GGA3: variants seen among roughly 807,000 people sequenced by gnomAD.
GGA3 encodes golgi associated, gamma adaptin ear containing, ARF binding protein 3.
Under a neutral mutation model 77.5 loss-of-function variants are expected in GGA3, and 57 were observed. The ratio of observed to expected loss-of-function variants is 0.74; its 90% CI spans 0.59 to 0.92. GGA3 has a LOEUF of 0.92. Ranked by LOEUF, GGA3 falls within the 40% of genes least tolerant of loss-of-function variation. The pLI is 0.00. For synonymous variants in GGA3, 416 were observed against 383.7 expected (o/e 1.08, Z -0.98); for missense variants, 970 against 914.9 (o/e 1.06, Z -0.78).
At chr17:75,240,204 C>T in intron 12 of GGA3, 96 bp from the exon 13 acceptor site, 2 of 1,201,298 alleles carry the variant, frequency 1.7e-6, no homozygotes, top group Admixed American at 2.1e-5. Flanking sequence ...CGGAAGACAG[C>T]CCCGGAGGCA....
chr17:75,259,103 G>A lies in GGA3; in HGVS notation c.40+2445C>T, dbSNP rs1359296422. Among the ~76,000 whole-genome samples the A allele has an allele frequency of 2.6e-5, 4 of 152,008 alleles. No individual in the cohort carries two copies. The South Asian group carries it at 6.2e-4, about 24-fold the overall frequency. Reference sequence around the variant, plus strand: ...CGTGTAGCTGGGACTACAGGCGCCCGCCACTACGCCTGGCTATTTTTTTGT... The same window carrying A: ...CGTGTAGCTGGGACTACAGGCGCCCACCACTACGCCTGGCTATTTTTTTGT... On this transcript the variant is annotated intron_variant, in intron 1 of 16. Transcript: ENST00000537686.
At position 75,238,774 on chromosome 17, in the gene GGA3, G is replaced by A. The variant is rs377429198; in HGVS notation, c.1951-12C>T. The A allele has an allele frequency of 2.5e-6, 4 of 1,604,090 alleles. No individual in the cohort carries two copies. The highest frequency in any genetic ancestry group is 2.6e-6 in the Non-Finnish European group (3 of 1,172,036). ...TTCACTTTCATTGACTAAAGAGAGAGAAACTCCTTTGAAGAGAACTGGTAG... is the reference window on the plus strand; with the variant it reads ...TTCACTTTCATTGACTAAAGAGAGAAAAACTCCTTTGAAGAGAACTGGTAG... On this transcript the variant is annotated splice_polypyrimidine_tract_variant and intron_variant, in intron 15 of 16. Coordinates refer to ENST00000537686, the MANE Select transcript of GGA3 (RefSeq NM_138619.4).
rs146463270 is a variant in GGA3, at chr17:75,241,422, G to A, written c.924C>T (p.Thr308=). Residue 308 remains threonine, a synonymous_variant, in exon 10 of 17, where the codon ACC becomes ACT. Coordinates refer to ENST00000537686, the MANE Select transcript of GGA3 (RefSeq NM_138619.4). The part of the protein sequence containing the change: ...EGQVINGEVA[T]LTLPDSEGNS... ...CACCTTCCGAGTCAGGCAGGGTTAA[G>A]GTAGCCACCTCGCCATTGATGACCT... The A allele has an allele frequency of 2.5e-6, 4 of 1,611,476 alleles. No individual in the cohort carries two copies. The highest frequency in any genetic ancestry group is 1.3e-5 in the African/African-American group (1 of 74,868).
chr17:75,239,667 C>T (rs1161499425), intron 13 of GGA3, 96 bp from the exon 14 acceptor site: 2 of 1,450,400 alleles, frequency 1.4e-6, no homozygotes, highest in Non-Finnish European at 1.9e-6. Context: ...CCCAGGCCCA[C>T]CCCTTGCCTT....
rs2077379047 is a variant in GGA3 at position 75,261,551 on chromosome 17, G to C, written c.37C>G (p.Leu13Val). ...EAEGESLESW[L>V]NKATNPSNRQ... Reference sequence around the variant, plus strand: ...AGAAACGGCCGCGGCTACTCACTGAGCCAGGACTCCAGGCTTTCCCCTTCC... The same window carrying C: ...AGAAACGGCCGCGGCTACTCACTGACCCAGGACTCCAGGCTTTCCCCTTCC... The change falls in exon 1 of 17, where the codon CTC becomes GTC. Residue 13 changes from leucine (L) to valine (V), a missense_variant. Physicochemically the swap from Leu to Val is conservative, Grantham distance 32 (BLOSUM62 1). Coordinates refer to ENST00000537686, the MANE Select transcript of GGA3 (RefSeq NM_138619.4). 6.5e-7 allele frequency: 1 copy of C among 1,545,874 alleles called. No individual in the cohort carries two copies. The highest frequency in any genetic ancestry group is 8.7e-7 in the Non-Finnish European group (1 of 1,147,702).
At chr17:75,244,760 G>C (rs377575793) in intron 3 of GGA3, 43 bp from the exon 4 acceptor site, 4 of 1,332,718 alleles carry the variant, frequency 3.0e-6, no homozygotes, top group Non-Finnish European at 4.3e-6. Context: ...GGGCGTGCTC[G>C]GGGCTGGAAC....
chr17:75,241,525 G>A lies in GGA3; in HGVS notation c.830-9C>T, dbSNP rs1041127776. 3.1e-6 allele frequency: 5 copies of A among 1,608,528 alleles called. No individual in the cohort carries two copies. The highest frequency in any genetic ancestry group is 1.3e-5 in the African/African-American group (1 of 74,904). ...GGCTTGCAGGATGTCCCCTGGAGCAGGAAAGAGAGACTTCTCACTCCTGTT... is the reference window on the plus strand; with the variant it reads ...GGCTTGCAGGATGTCCCCTGGAGCAAGAAAGAGAGACTTCTCACTCCTGTT... On this transcript the variant is annotated splice_polypyrimidine_tract_variant and intron_variant, in intron 9 of 16. Coordinates refer to ENST00000537686, the MANE Select transcript of GGA3 (RefSeq NM_138619.4).
intron 3 of GGA3, among the ~76,000 whole-genome samples, chr17:75,245,583 G>A (rs73356327): frequency 6.6e-6 from 1 of 152,054 alleles, no homozygotes; most frequent in African/African-American, 2.4e-5. Context: ...AGAGTGCAAC[G>A]GTGTGATCAC....
Position 75,239,462 on chromosome 17 carries a change from G to A in GGA3, c.1693C>T (p.Leu565=), listed in dbSNP as rs1214946643. ...TGPGSPLFQP[L]SFQSQGSPPK... Reference sequence around the variant, plus strand: ...GGGCTGCCCTGGGACTGGAAACTCAGTGGCTGGAAGAGCGGGCTGCCGGGC... The same window carrying A: ...GGGCTGCCCTGGGACTGGAAACTCAATGGCTGGAAGAGCGGGCTGCCGGGC... Residue 565 remains leucine (L), a synonymous_variant, in exon 14 of 17, where the codon CTG becomes TTG. Transcript: ENST00000537686. 7 of 1,581,112 alleles carry A rather than the reference G, an allele frequency of 4.4e-6. No homozygotes were observed. The highest frequency in any genetic ancestry group is 6.0e-6 in the Non-Finnish European group (7 of 1,171,226).
At chr17:75,244,430 G>A (rs2076683549) in intron 4 of GGA3, 189 bp downstream of exon 4, 1 of 579,466 alleles carries the variant, frequency 1.7e-6, no homozygotes, top group Non-Finnish European at 3.1e-6. Flanking sequence ...GGGCGCTTCA[G>A]AAAAAGCTGC....
Position 75,246,699 on chromosome 17 carries a change from T to G in GGA3, c.125+13A>C. On this transcript the variant is annotated intron_variant, in intron 2 of 16. Transcript: ENST00000537686. ...CGCTCCCTCTCAGCTGCCCCCACAGTGCTGAGACTCACCCTTCCAGCTCCT... is the reference window on the plus strand; with the variant it reads ...CGCTCCCTCTCAGCTGCCCCCACAGGGCTGAGACTCACCCTTCCAGCTCCT... The G allele has an allele frequency of 6.2e-7, 1 of 1,607,314 alleles. No individual in the cohort carries two copies. The highest frequency in any genetic ancestry group is 8.5e-7 in the Non-Finnish European group (1 of 1,173,772).
At chr17:75,261,036 A>G (rs2077349140) in intron 1 of GGA3, among the ~76,000 whole-genome samples, 1 of 152,208 alleles carries the variant, frequency 6.6e-6, no homozygotes, top group Admixed American at 6.5e-5. Flanking sequence ...TCTCACTTCA[A>G]GCATTCTGCC....
chr17:75,245,535 T>G (rs1311034845), intron 3 of GGA3, among the ~76,000 whole-genome samples: 1 of 152,122 alleles, frequency 6.6e-6, no homozygotes, highest in Non-Finnish European at 1.5e-5. Context: ...GTTTTTTTTT[T>G]GTTTTTTGAC....
chr17:75,245,968 G>A (rs1048388322), intron 3 of GGA3, among the ~76,000 whole-genome samples: 1 of 152,200 alleles, frequency 6.6e-6, no homozygotes, highest in African/African-American at 2.4e-5. Context: ...GCTGCTCTTT[G>A]TTTTCGGAGC....
intron 13 of GGA3, 24 bp from the exon 14 acceptor site, chr17:75,239,595 G>T: frequency 6.5e-7 from 1 of 1,537,958 alleles, no homozygotes; most frequent in Non-Finnish European, 8.8e-7. Context: ...AGGATGGAAA[G>T]CACGTCAGAG....
chr17:75,244,763 G>T, intron 3 of GGA3, 46 bp from the exon 4 acceptor site: 1 of 1,280,650 alleles, frequency 7.8e-7, no homozygotes, highest in African/African-American at 1.5e-5. Context: ...CGTGCTCGGG[G>T]CTGGAACCTG....
At chr17:75,257,289 C>CAA (rs1196352390) in intron 1 of GGA3, among the ~76,000 whole-genome samples, 1 of 13,718 alleles carries the variant, frequency 7.3e-5, no homozygotes, top group Non-Finnish European at 1.7e-3. Context: ...CCCCCCCCCC[C>CAA]AAAAAAAACC....
chr17:75,240,489 G>A (rs1033981878), intron 11 of GGA3, 77 bp from the exon 12 acceptor site: 122 of 935,582 alleles, frequency 1.3e-4, no homozygotes, highest in Admixed American at 9.3e-4. Flanking sequence ...CTGAGGAGGG[G>A]TCAGGTGACA....
intron 1 of GGA3, among the ~76,000 whole-genome samples, chr17:75,250,879 C>T (rs2076942204): frequency 6.6e-6 from 1 of 151,646 alleles, no homozygotes; most frequent in African/African-American, 2.4e-5. Context: ...GTTAGGAGTT[C>T]GAGACCAGCC....
Sources: allele counts gnomAD v4.1 joint callset (sites outside exome capture counted in the v4.1 genomes callset), GRCh38; gene constraint gnomAD v4.1.1; transcripts MANE v1.5; gene names NCBI Gene and HGNC (gene_info 2026-07-23, HGNC 2026-07-21).